PIGS: variants seen among roughly 807,000 people sequenced by gnomAD.
The protein encoded by PIGS is phosphatidylinositol glycan anchor biosynthesis class S.
PIGS carries 37 observed loss-of-function variants against 58.2 expected under a neutral mutation model. The ratio of observed to expected loss-of-function variants is 0.64; its 90% CI spans 0.49 to 0.84. PIGS has a LOEUF of 0.84. Ranked by LOEUF, PIGS falls within the 40% of genes least tolerant of loss-of-function variation. PIGS has a pLI of 0.00. For missense variants in PIGS, 629 were observed against 710.8 expected (o/e 0.88, Z 1.31); for synonymous variants, 269 against 289.2 (o/e 0.93, Z 0.71).
chr17:28,570,820 G>A (rs1481585375), intron 3 of PIGS, 32 bp downstream of exon 3: 2 of 1,608,752 alleles, frequency 1.2e-6, no homozygotes, highest in South Asian at 1.1e-5. Context: ...GAGCTCAGAG[G>A]CGAAAAGCAG....
Position 28,555,936 on chromosome 17 carries a change from T to TC in PIGS, c.1181+229dup, listed in dbSNP as rs2070324274. 2.2e-5 allele frequency: 10 copies of TC among 450,766 alleles called. No homozygotes were observed. The South Asian group carries it at 2.4e-4, about 11-fold the overall frequency. The allele number at this position is 450,766 out of a possible 1,614,324, so 27.9% of individuals were successfully genotyped here. On this transcript the variant is annotated intron_variant, in intron 10 of 11. Transcript: ENST00000308360. ...GTGAGCCAAAATGGCACCACTGCAC[T>TC]CCGGCCTGGGCAACAGAGCAAGACT...
chr17:28,554,792 T>A, intron 11 of PIGS, 59 bp downstream of exon 11: 1 of 1,590,366 alleles, frequency 6.3e-7, no homozygotes, highest in Non-Finnish European at 8.6e-7. Context: ...CTCACCACAC[T>A]CTGGCCCTCT....
At position 28,565,354 on chromosome 17, in the gene PIGS, G is replaced by A. The variant is rs1282532912; in HGVS notation, c.287-1447C>T. 2.0e-5 allele frequency among the ~76,000 whole-genome samples: 3 copies of A among 151,976 alleles called. No individual in the cohort carries two copies. The East Asian group carries it at 5.8e-4, about 29-fold the overall frequency. On this transcript the variant is annotated intron_variant, in intron 3 of 11. Transcript: ENST00000308360. ...AGGACATAAAATATCTGAACAAAAT[G>A]GAATAGCATACAAGGCCCCTAGATG...
At position 28,563,507 on chromosome 17, in the gene PIGS, A is replaced by C. The variant is rs2151513512; in HGVS notation, c.392T>G (p.Leu131Ter). The change falls in exon 5 of 12, where the codon TTA becomes TGA. Residue 131 changes from leucine to a stop codon, truncating the protein, a stop_gained. Transcript: ENST00000308360. LOFTEE classifies it high-confidence loss of function. ...CTCCGCTTGTTCCTGAGGCTCATCT[A>C]ACATGGCTTCTGCCTCTGGGGGCAA... is the stretch of plus-strand genomic sequence containing the variant. Reference protein sequence around the residue: ...SGSVQEAEAMLDEPQEQAEGS... With the variant: ...SGSVQEAEAM The C allele has an allele frequency of 6.2e-7, 1 of 1,614,004 alleles. No individual in the cohort carries two copies. The highest frequency in any genetic ancestry group is 2.2e-5 in the East Asian group (1 of 44,856).
intron 6 of PIGS, chr17:28,560,496 C>T (rs1341592618): frequency 7.0e-6 from 2 of 283,744 alleles, no homozygotes; most frequent in Non-Finnish European, 1.3e-5. Flanking sequence ...ATACAAATAT[C>T]GGCCGGGTGT....
At chr17:28,566,166 A>G (rs1238491246) in intron 3 of PIGS, among the ~76,000 whole-genome samples, 1 of 150,646 alleles carries the variant, frequency 6.6e-6, no homozygotes, top group Non-Finnish European at 1.5e-5. Flanking sequence ...CCAGGAGTTC[A>G]AGGTTACAGT....
At position 28,570,839 on chromosome 17, in the gene PIGS, C is replaced by T. The variant is rs1246158719; in HGVS notation, c.286+13G>A. 6.2e-7 allele frequency: 1 copy of T among 1,613,884 alleles called. No individual in the cohort carries two copies. The highest frequency in any genetic ancestry group is 2.2e-5 in the East Asian group (1 of 44,894). ...TCAGAGGCGAAAAGCAGCCCTGATC[C>T]CCAGTAACTCACATTTCAGAGGAAT... is the stretch of plus-strand genomic sequence containing the variant. On this transcript the variant is annotated intron_variant, in intron 3 of 11. Transcript: ENST00000308360.
intron 9 of PIGS, 150 bp from the exon 10 acceptor site, chr17:28,556,416 A>G (rs2070328681): frequency 2.8e-6 from 2 of 720,846 alleles, no homozygotes; most frequent in Non-Finnish European, 5.0e-6. Flanking sequence ...AGTACCTACT[A>G]CGGAGAGCAT....
Position 28,561,539 on chromosome 17 carries a change from C to G in PIGS, c.559G>C (p.Val187Leu), listed in dbSNP as rs2070364378. The G allele has an allele frequency of 6.2e-7, 1 of 1,614,048 alleles. No individual in the cohort carries two copies. Among genetic ancestry groups the G allele is most frequent in the Non-Finnish European group, 8.5e-7 (1 of 1,179,978 alleles). ...AAAGACATGGCCTGGGCCACCTGGA[C>G]TATGCGGCGGCCAATGATGTTAAAG... ...EAFNIIGRRI[V>L]QVAQAMSLTE... Residue 187 changes from valine to leucine, a missense_variant, in exon 6 of 12, where the codon GTC becomes CTC. Val to Leu is a conservative substitution (Grantham distance 32). Coordinates refer to ENST00000308360, the MANE Select transcript of PIGS (RefSeq NM_033198.4).
rs574800715 is a variant in PIGS at position 28,557,760 on chromosome 17, G to A, written c.934+716C>T. Among the ~76,000 whole-genome samples, 215 of 152,024 alleles carry A rather than the reference G, an allele frequency of 1.4e-3. 1 individual carries two copies. Among genetic ancestry groups the A allele is most frequent in the Non-Finnish European group, 2.7e-3 (185 of 67,998 alleles). ...CACCTCCTCTTCCTAGTTTCCACCC[G>A]AAAAATGAAAAACTCTAATACTAGC... is the stretch of plus-strand genomic sequence containing the variant. On this transcript the variant is annotated intron_variant, in intron 8 of 11. Transcript: ENST00000308360.
At chr17:28,556,448 C>T (rs2151511714) in intron 9 of PIGS, 182 bp from the exon 10 acceptor site, 3 of 707,944 alleles carry the variant, frequency 4.2e-6, no homozygotes, top group South Asian at 3.0e-5. Flanking sequence ...TCCCAATTAC[C>T]CCCTTGAAAG....
chr17:28,557,453 T>G (rs972405156), intron 8 of PIGS: 5 of 174,006 alleles, frequency 2.9e-5, no homozygotes, highest in African/African-American at 4.8e-5. Context: ...TCAGCCACAC[T>G]AAACTACTCT....
Position 28,554,929 on chromosome 17 carries a change from G to A in PIGS, c.1314C>T (p.Ala438=). The change falls in exon 11 of 12, where the codon GCC becomes GCT. Residue 438 remains alanine (A), a synonymous_variant. Coordinates refer to ENST00000308360, the MANE Select transcript of PIGS (RefSeq NM_033198.4). ...GCGCCAGGGAGGTAAGGGTGGTGGT[G>A]GCTGTGGCCAGGTTCTCCACTGACC... ...WARSVENLAT[A]TTTLTSLAQL... 1 of 1,613,960 alleles carries A rather than the reference G, an allele frequency of 6.2e-7. No individual in the cohort carries two copies. Among genetic ancestry groups the A allele is most frequent in the Middle Eastern group, 1.6e-4 (1 of 6,062 alleles).
chr17:28,567,923 T>G (rs1345417273), intron 3 of PIGS, among the ~76,000 whole-genome samples: 1 of 152,202 alleles, frequency 6.6e-6, no homozygotes, highest in Non-Finnish European at 1.5e-5. Context: ...CCCCCAGATA[T>G]CTGCACAGTC....
chr17:28,556,318 T>C (rs1263261730), intron 9 of PIGS, 52 bp from the exon 10 acceptor site: 1 of 1,368,304 alleles, frequency 7.3e-7, no homozygotes, highest in Non-Finnish European at 1.0e-6. Context: ...CTTGCACAGC[T>C]CTGCCCTAGG....
At position 28,571,178 on chromosome 17, in the gene PIGS, C is replaced by G; in HGVS notation, c.45G>C (p.Arg15=). The G allele has an allele frequency of 6.2e-7, 1 of 1,613,122 alleles. No individual in the cohort carries two copies. Among genetic ancestry groups the G allele is most frequent in the Non-Finnish European group, 8.5e-7 (1 of 1,179,902 alleles). ...GAAATHLEVA[R]GKRAALFFAA... ...CGAAGAAGAGGGCGGCGCGCTTGCC[C>G]CGGGCCACCTCTGAGGGCATGGGGA... Residue 15 remains arginine (R), a synonymous_variant, in exon 2 of 12, where the codon CGG becomes CGC. Coordinates refer to ENST00000308360, the MANE Select transcript of PIGS (RefSeq NM_033198.4).
chr17:28,560,164 T>C lies in PIGS; in HGVS notation c.704A>G (p.Asn235Ser), dbSNP rs766662829. Residue 235 changes from asparagine (N) to serine (S), a missense_variant, in exon 7 of 12, where the codon AAC (asparagine) becomes AGC (serine). Coordinates refer to ENST00000308360, the MANE Select transcript of PIGS (RefSeq NM_033198.4). ...LGYEITFSLL[N>S]PDPKSHDVYW... is the part of the protein sequence containing the mutation. The stretch of plus-strand genomic sequence containing the variant: ...GACATCATGGGACTTGGGGTCTGGG[T>C]TGAGTAAACTGAAGGTGATCTCATA... 11 of 1,612,158 alleles carry C rather than the reference T, an allele frequency of 6.8e-6. No individual in the cohort carries two copies. Among genetic ancestry groups the C allele is most frequent in the Non-Finnish European group, 9.3e-6 (11 of 1,179,266 alleles).
Position 28,571,466 on chromosome 17 carries a change from G to C in PIGS, c.31C>G (p.Leu11Val), listed in dbSNP as rs1321765634. The C allele has an allele frequency of 4.3e-6, 7 of 1,610,218 alleles. No individual in the cohort carries two copies. In the Admixed American group the frequency reaches 1.0e-4, roughly 23 times the overall value. The change falls in exon 1 of 12, where the codon CTA becomes GTA. Residue 11 changes from leucine (L) to valine (V), a missense_variant. Coordinates refer to ENST00000308360, the MANE Select transcript of PIGS (RefSeq NM_033198.4). The part of the protein sequence containing the change: MAAAGAAATH[L>V]EVARGKRAAL... ...CCCCACCCGAAGCCCACCGCACCTA[G>C]GTGTGTAGCCGCAGCCCCGGCGGCC... is the stretch of plus-strand genomic sequence containing the variant.
chr17:28,554,780 G>A lies in PIGS; in HGVS notation c.1392+71C>T. Reference sequence around the variant, plus strand: ...TACCATGGACCTCACAGGCTCTCTGGTCTCACCACACTCTGGCCCTCTCTG... The same window carrying A: ...TACCATGGACCTCACAGGCTCTCTGATCTCACCACACTCTGGCCCTCTCTG... On this transcript the variant is annotated intron_variant, in intron 11 of 11. Coordinates refer to ENST00000308360, the MANE Select transcript of PIGS (RefSeq NM_033198.4). 5 of 1,569,684 alleles carry A rather than the reference G, an allele frequency of 3.2e-6. No homozygotes were observed. In the South Asian group the frequency reaches 4.5e-5, roughly 14 times the overall value.
Sources: gnomAD v4.1 joint callset for allele counts (sites outside exome capture counted in the v4.1 genomes callset) on GRCh38, gnomAD v4.1.1 for gene constraint, MANE v1.5 for transcripts, NCBI Gene and HGNC (gene_info 2026-07-23, HGNC 2026-07-21) for gene names.